Variants in DRC3 observed in about 807,000 individuals in gnomAD.
DRC3 encodes dynein regulatory complex subunit 3.
A neutral mutation model predicts 57.6 loss-of-function variants in DRC3; 45 were observed. The observed-to-expected ratio is 0.78, with a 90% confidence interval of 0.62 to 1.00. The LOEUF (loss-of-function observed/expected upper bound fraction) is 1.00. Among genes scored for constraint, DRC3 ranks in the 50% least tolerant of loss-of-function variants. The pLI, the probability that DRC3 is intolerant of heterozygous loss-of-function variation, is 0.00. For missense variants in DRC3, 655 were observed against 675.2 expected (o/e 0.97, Z 0.33); for synonymous variants, 257 against 272.3 (o/e 0.94, Z 0.55).
At chr17:17,991,118 G>A (rs2043206058) in intron 5 of DRC3, among the ~76,000 whole-genome samples, 1 of 152,104 alleles carries the variant, frequency 6.6e-6, no homozygotes, top group African/African-American at 2.4e-5. Context: ...AGCACATGCC[G>A]GAGGCCTGCT....
At chr17:17,975,648 G>C (rs893608670) in intron 2 of DRC3, among the ~76,000 whole-genome samples, 6 of 152,182 alleles carry the variant, frequency 3.9e-5, no homozygotes, top group African/African-American at 7.2e-5. Flanking sequence ...TAAGAGTGGG[G>C]AGCTAGAGAG....
chr17:18,002,013 CA>C (rs1215310926), intron 9 of DRC3, among the ~76,000 whole-genome samples: 1 of 151,912 alleles, frequency 6.6e-6, no homozygotes, highest in African/African-American at 2.4e-5. Context: ...ACTAAAAATG[CA>C]AAAATTCACT....
intron 12 of DRC3, among the ~76,000 whole-genome samples, chr17:18,012,964 C>A (rs1217792407): frequency 1.3e-5 from 2 of 151,858 alleles, no homozygotes; most frequent in African/African-American, 4.8e-5. Flanking sequence ...ATCTCAATAG[C>A]AAAAAAACAA....
chr17:17,987,214 C>CA (rs1046062123), intron 4 of DRC3, among the ~76,000 whole-genome samples: 15,520 of 43,956 alleles, frequency 0.35, 2,690 homozygotes, highest in South Asian at 0.6. Flanking sequence ...GACCCTGTCT[C>CA]AAAAAAAAAA....
chr17:17,995,045 TGTACG>T lies in DRC3; in HGVS notation c.759_763del (p.Met253IlefsTer2). On this transcript the variant is annotated frameshift_variant, in exon 8 of 14. Coordinates refer to ENST00000399187, the MANE Select transcript of DRC3 (RefSeq NM_031294.4). LOFTEE classifies it high-confidence loss of function. The stretch of plus-strand genomic sequence containing the variant: ...AATGGCTCCTTCCTGTTTGACAGCA[TGTACG>T]CTGAGGACTCAGAGGGCAACAATCT... 3 of 1,613,948 alleles carry T rather than the reference TGTACG, an allele frequency of 1.9e-6. No individual in the cohort carries two copies. The highest frequency in any genetic ancestry group is 2.5e-6 in the Non-Finnish European group (3 of 1,179,842).
chr17:17,978,970 G>A (rs979894413), intron 3 of DRC3, among the ~76,000 whole-genome samples: 5 of 152,192 alleles, frequency 3.3e-5, no homozygotes, highest in Non-Finnish European at 5.9e-5. Flanking sequence ...ATAAAATGAA[G>A]AAGGAAAATA....
chr17:17,987,633 C>T (rs529181380), intron 4 of DRC3, among the ~76,000 whole-genome samples: 22 of 152,274 alleles, frequency 1.4e-4, no homozygotes, highest in East Asian at 3.9e-4. Flanking sequence ...TTCAGACCTG[C>T]GGGTTAGTAT....
intron 9 of DRC3, among the ~76,000 whole-genome samples, chr17:18,000,191 CCT>C (rs10558401): frequency 0.43 from 56,744 of 133,012 alleles, 12,529 homozygotes; most frequent in East Asian, 0.89. Flanking sequence ...ACTTTGCTTT[CCT>C]CTGTGTGTGT....
chr17:18,015,824 G>A, intron 12 of DRC3: 4 of 448,920 alleles, frequency 8.9e-6, no homozygotes, highest in South Asian at 3.2e-5. Context: ...AGCGGGGACT[G>A]CAAAGTAACA....
chr17:17,991,571 C>T (rs2043232794), intron 5 of DRC3, among the ~76,000 whole-genome samples: 2 of 151,948 alleles, frequency 1.3e-5, no homozygotes, highest in Non-Finnish European at 2.9e-5. Flanking sequence ...GTTGGGATTA[C>T]AGGCGTGAGC....
At chr17:18,011,009 G>A (rs1032945549) in intron 12 of DRC3, 2 of 234,132 alleles carry the variant, frequency 8.5e-6, no homozygotes, top group African/African-American at 4.7e-5. Flanking sequence ...CCAGGCTGGA[G>A]TGCAATGGCA....
At chr17:17,981,369 A>C (rs554985671) in intron 3 of DRC3, 1 of 200,056 alleles carries the variant, frequency 5.0e-6, no homozygotes, top group Non-Finnish European at 1.1e-5. Context: ...CAGGGTACCA[A>C]GTGATAGTCC....
At chr17:18,005,883 GT>G in intron 10 of DRC3, 2 of 370,084 alleles carry the variant, frequency 5.4e-6, no homozygotes, top group Non-Finnish European at 1.0e-5. Context: ...GGTTGGCTGT[GT>G]GTGTGTGTGT....
At chr17:18,004,927 C>G (rs2043893436) in intron 10 of DRC3, 1 of 161,464 alleles carries the variant, frequency 6.2e-6, no homozygotes, top group African/African-American at 2.4e-5. Context: ...GCGCCGCTGT[C>G]TGAAATTCAT....
At chr17:18,006,873 C>G in intron 11 of DRC3, 151 bp from the exon 12 acceptor site, 1 of 1,262,374 alleles carries the variant, frequency 7.9e-7, no homozygotes, top group Non-Finnish European at 1.1e-6. Flanking sequence ...TCGAGGAAGG[C>G]CCAGGGTTCG....
intron 12 of DRC3, chr17:18,007,511 T>G (rs1406149971): frequency 6.5e-7 from 1 of 1,548,616 alleles, no homozygotes; most frequent in African/African-American, 1.4e-5. Context: ...AACCTTAGAG[T>G]CTGTATAATG....
Position 17,988,255 on chromosome 17 carries a change from T to C in DRC3, c.444+157T>C, listed in dbSNP as rs963781432. The C allele has an allele frequency of 8.9e-6, 7 of 789,970 alleles. No individual in the cohort carries two copies. The Admixed American group carries it at 9.1e-5, about 10-fold the overall frequency. 48.9% of individuals were successfully genotyped at this position (789,970 alleles called of 1,614,324 possible). A position where few individuals can be genotyped will look rare whatever the true frequency, so the allele number is the denominator to read the frequency against. ...GAATCTGGATTACTCCATGAGGGAT[T>C]TGCTCATGTTTAAATACCATGCTTA... On this transcript the variant is annotated intron_variant, in intron 5 of 13. Transcript: ENST00000399187.
chr17:17,977,797 C>T, intron 3 of DRC3, 39 bp downstream of exon 3: 2 of 1,528,262 alleles, frequency 1.3e-6, no homozygotes, highest in East Asian at 2.3e-5. Context: ...CCAGGGTGGG[C>T]CCTCCCTGGC....
chr17:18,012,025 A>C (rs952605125), intron 12 of DRC3, among the ~76,000 whole-genome samples: 10 of 152,110 alleles, frequency 6.6e-5, no homozygotes, highest in African/African-American at 2.4e-4. Context: ...GGTTTTACCA[A>C]TGTTGGCCGG....
Sources: allele counts gnomAD v4.1 joint callset (sites outside exome capture counted in the v4.1 genomes callset), GRCh38; gene constraint gnomAD v4.1.1; transcripts MANE v1.5; gene names NCBI Gene and HGNC (gene_info 2026-07-23, HGNC 2026-07-21).